Variants in CFAP299 observed in about 807,000 individuals in gnomAD.
The protein encoded by CFAP299 is cilia- and flagella-associated protein 299.
Under a neutral mutation model 27.0 loss-of-function variants are expected in CFAP299, and 21 were observed. The observed-to-expected ratio is 0.78, with a 90% CI of 0.55 to 1.12. The LOEUF (loss-of-function observed/expected upper bound fraction) is 1.12, where lower values mean the gene tolerates loss of function less well. Among genes scored for constraint, CFAP299 ranks in the 50% most tolerant of loss-of-function variants. The pLI, the probability that CFAP299 is intolerant of heterozygous loss-of-function variation, is 0.00. For missense variants in CFAP299, 310 were observed against 276.6 expected, an observed-to-expected ratio of 1.12 and a Z score of -0.86; for synonymous variants, 104 against 98.1, an observed-to-expected ratio of 1.06 and a Z score of -0.36.
chr4:80,372,143 G>T (rs937138023), intron 2 of CFAP299, among the ~76,000 whole-genome samples: 2 of 152,178 alleles, frequency 1.3e-5, no homozygotes, highest in Admixed American at 1.3e-4. Context: ...TCTGCTGAAA[G>T]GTGAAGGGGA....
chr4:80,674,819 A>C (rs190574043), intron 3 of CFAP299, among the ~76,000 whole-genome samples: 2 of 152,110 alleles, frequency 1.3e-5, no homozygotes, highest in Non-Finnish European at 2.9e-5. Context: ...CGAATCGGCT[A>C]TTGAAGCTTA....
chr4:80,498,786 A>G (rs955255478), intron 2 of CFAP299, among the ~76,000 whole-genome samples: 3 of 152,136 alleles, frequency 2.0e-5, no homozygotes, highest in African/African-American at 7.2e-5. Context: ...ATTAAAGACA[A>G]AGGCACATAT....
At chr4:80,589,381 A>G (rs906293733) in intron 3 of CFAP299, among the ~76,000 whole-genome samples, 1 of 152,208 alleles carries the variant, frequency 6.6e-6, no homozygotes, top group Non-Finnish European at 1.5e-5. Context: ...GATTAGTTAA[A>G]TATGAAAATA....
chr4:80,932,638 T>C (rs926356680), intron 4 of CFAP299, among the ~76,000 whole-genome samples: 2 of 152,144 alleles, frequency 1.3e-5, no homozygotes, highest in African/African-American at 4.8e-5. Flanking sequence ...GGATCAACCA[T>C]AAAAAAACAT....
chr4:80,327,000 T>C, the CFAP299 span, among the ~76,000 whole-genome samples: 1 of 152,176 alleles, frequency 6.6e-6, no homozygotes, highest in Non-Finnish European at 1.5e-5. Flanking sequence ...GGTGCTGTTA[T>C]TGATTCCTAG....
chr4:80,477,126 C>T (rs539095961), intron 2 of CFAP299, among the ~76,000 whole-genome samples: 1 of 152,158 alleles, frequency 6.6e-6, no homozygotes, highest in Admixed American at 6.5e-5. Context: ...GCAATCATAG[C>T]TCACTGCAGC....
chr4:80,501,287 T>A (rs1731730451), intron 2 of CFAP299, among the ~76,000 whole-genome samples: 1 of 151,750 alleles, frequency 6.6e-6, no homozygotes, highest in Non-Finnish European at 1.5e-5. Flanking sequence ...ATTGGTATAC[T>A]ATGCTTAATG....
At chr4:80,361,752 A>G (rs1723556990) in intron 1 of CFAP299, among the ~76,000 whole-genome samples, 1 of 152,206 alleles carries the variant, frequency 6.6e-6, no homozygotes, top group African/African-American at 2.4e-5. Flanking sequence ...TTTTGTTTGA[A>G]TACTTACAAC....
At chr4:80,585,514 G>A (rs768592599) in intron 3 of CFAP299, among the ~76,000 whole-genome samples, 9 of 152,020 alleles carry the variant, frequency 5.9e-5, no homozygotes, top group Admixed American at 1.3e-4. Flanking sequence ...ATTTTACTTG[G>A]TAAATAATTC....
At chr4:80,929,269 A>C (rs986665382) in intron 4 of CFAP299, among the ~76,000 whole-genome samples, 1 of 151,074 alleles carries the variant, frequency 6.6e-6, no homozygotes, top group Non-Finnish European at 1.5e-5. Flanking sequence ...ACCACTACTC[A>C]TCCGGTCTCT....
intron 2 of CFAP299, among the ~76,000 whole-genome samples, chr4:80,479,274 G>C (rs1206457944): frequency 2.6e-5 from 4 of 151,936 alleles, no homozygotes; most frequent in African/African-American, 9.7e-5. Flanking sequence ...CTTAAAATGT[G>C]AAAATATGAA....
chr4:80,494,763 GT>G (rs35511046), intron 2 of CFAP299, among the ~76,000 whole-genome samples: 52,831 of 151,964 alleles, frequency 0.35, 11,060 homozygotes, highest in African/African-American at 0.59. Context: ...ACATTAATAT[GT>G]TATCCATTTA....
intron 2 of CFAP299, among the ~76,000 whole-genome samples, chr4:80,485,667 T>G (rs796428823): frequency 3.3e-5 from 5 of 152,276 alleles, no homozygotes; most frequent in African/African-American, 1.2e-4. Context: ...TTTGAAGGAT[T>G]TGCTTTAAGA....
At chr4:80,359,852 C>A (rs919385643) in intron 1 of CFAP299, among the ~76,000 whole-genome samples, 3 of 152,216 alleles carry the variant, frequency 2.0e-5, no homozygotes, top group African/African-American at 7.2e-5. Context: ...CTGTTCACAA[C>A]CCTTGCTGGA....
chr4:80,525,177 G>A (rs887407516), intron 2 of CFAP299, among the ~76,000 whole-genome samples: 4 of 152,048 alleles, frequency 2.6e-5, no homozygotes, highest in African/African-American at 2.4e-5. Flanking sequence ...GTCATGAAGG[G>A]CGTGACATCC....
chr4:80,715,810 CA>C (rs1189394026), intron 3 of CFAP299, among the ~76,000 whole-genome samples: 1 of 151,888 alleles, frequency 6.6e-6, no homozygotes, highest in Non-Finnish European at 1.5e-5. Flanking sequence ...CAATTATCAC[CA>C]CCATTTTATT....
At chr4:80,418,439 GATTAA>G (rs140130304) in intron 2 of CFAP299, among the ~76,000 whole-genome samples, 2,020 of 152,226 alleles carry the variant, frequency 0.013, 40 homozygotes, top group African/African-American at 0.044. Context: ...AATGTGAAAA[GATTAA>G]ATTAATCTGA....
the CFAP299 span, among the ~76,000 whole-genome samples, chr4:80,323,804 C>A: frequency 6.6e-6 from 1 of 151,972 alleles, no homozygotes. Flanking sequence ...TATTTTTAGT[C>A]TGTTTTAAAT....
chr4:80,340,082 GA>G (rs770703165), intron 1 of CFAP299, among the ~76,000 whole-genome samples: 1 of 152,106 alleles, frequency 6.6e-6, no homozygotes, highest in Non-Finnish European at 1.5e-5. Context: ...CTGTCATGGA[GA>G]AGAATGAAAA....
Sources: allele counts gnomAD v4.1 joint callset (sites outside exome capture counted in the v4.1 genomes callset), GRCh38; gene constraint gnomAD v4.1.1; transcripts MANE v1.5; gene names NCBI Gene and HGNC (gene_info 2026-07-23, HGNC 2026-07-21).